Variants in MTA3 observed in about 807,000 individuals in gnomAD.
MTA3 encodes the protein metastasis-associated protein MTA3.
Under a neutral mutation model 83.5 loss-of-function variants are expected in MTA3, and 34 were observed. The observed-to-expected ratio is 0.41, with a 90% CI of 0.31 to 0.54. MTA3 has a LOEUF of 0.54. Ranked by LOEUF, MTA3 falls within the 20% of genes least tolerant of loss-of-function variation. The pLI, the probability that MTA3 is intolerant of heterozygous loss-of-function variation, is 0.33. For synonymous variants in MTA3, 303 were observed against 252.7 expected (o/e 1.20, Z -1.89); for missense variants, 761 against 726.4 (o/e 1.05, Z -0.55).
intron 8 of MTA3, among the ~76,000 whole-genome samples, chr2:42,663,422 A>G (rs1490198351): frequency 6.6e-6 from 1 of 152,224 alleles, no homozygotes; most frequent in Admixed American, 6.5e-5. Context: ...TATTTTAAAG[A>G]AGCATTTTAA....
intron 3 of MTA3, among the ~76,000 whole-genome samples, chr2:42,581,323 A>G (rs1679598491): frequency 7.3e-6 from 1 of 137,804 alleles, no homozygotes; most frequent in African/African-American, 2.7e-5. Flanking sequence ...AAGTGTTCGG[A>G]TTACAGGTGT....
chr2:42,682,050 A>G (rs1364849122), intron 8 of MTA3, among the ~76,000 whole-genome samples: 1 of 151,994 alleles, frequency 6.6e-6, no homozygotes, highest in African/African-American at 2.4e-5. Flanking sequence ...TCTACATAAA[A>G]TAAAAAAACT....
chr2:42,500,214 C>A (rs1674333770), intron 2 of MTA3, among the ~76,000 whole-genome samples: 1 of 152,134 alleles, frequency 6.6e-6, no homozygotes, highest in Non-Finnish European at 1.5e-5. Context: ...GCCTGGCCAA[C>A]ATAGTGAAAC....
intron 14 of MTA3, among the ~76,000 whole-genome samples, chr2:42,711,634 A>G (rs1272321822): frequency 1.3e-5 from 2 of 152,200 alleles, no homozygotes; most frequent in Admixed American, 6.5e-5. Context: ...TGATTATGCT[A>G]TCATCTCTTC....
chr2:42,685,910 T>C (rs932329544), intron 9 of MTA3, among the ~76,000 whole-genome samples: 1 of 152,222 alleles, frequency 6.6e-6, no homozygotes, highest in Admixed American at 6.5e-5. Context: ...GCAAATAATG[T>C]TATTTCCTAT....
chr2:42,694,229 G>T (rs1036929057), intron 9 of MTA3, among the ~76,000 whole-genome samples: 2 of 152,130 alleles, frequency 1.3e-5, no homozygotes, highest in Admixed American at 1.3e-4. Context: ...TTTGGGAGAG[G>T]GGTGGTGCAA....
chr2:42,635,152 A>T (rs1440583421), intron 4 of MTA3, among the ~76,000 whole-genome samples: 2 of 152,164 alleles, frequency 1.3e-5, no homozygotes, highest in Non-Finnish European at 2.9e-5. Flanking sequence ...ATTCTGTTTT[A>T]TGCGGTTGCT....
At chr2:42,560,747 A>G (rs537263365) in intron 2 of MTA3, among the ~76,000 whole-genome samples, 2 of 151,996 alleles carry the variant, frequency 1.3e-5, no homozygotes, top group East Asian at 3.9e-4. Flanking sequence ...TCTACTGGAA[A>G]AAAAAAAAAT....
intron 2 of MTA3, among the ~76,000 whole-genome samples, chr2:42,531,542 T>C (rs1213086759): frequency 7.5e-6 from 1 of 134,042 alleles, no homozygotes; most frequent in Non-Finnish European, 1.5e-5. Flanking sequence ...AACCTCTGCC[T>C]CCCGGGTTCA....
intron 3 of MTA3, among the ~76,000 whole-genome samples, chr2:42,605,848 C>A (rs1683262299): frequency 7.5e-6 from 1 of 134,032 alleles, no homozygotes; most frequent in South Asian, 2.5e-4. Context: ...GGGCTGACCC[C>A]CCCACCTCCC....
chr2:42,739,697 T>G (rs1408788410), intron 16 of MTA3, among the ~76,000 whole-genome samples: 2 of 152,362 alleles, frequency 1.3e-5, no homozygotes, highest in Non-Finnish European at 2.9e-5. Flanking sequence ...ACATTAGAAC[T>G]TCTTTCAAAA....
chr2:42,750,369 T>C (rs1669780988), intron 16 of MTA3, among the ~76,000 whole-genome samples: 1 of 151,948 alleles, frequency 6.6e-6, no homozygotes, highest in South Asian at 2.1e-4. Context: ...GATTATGTGT[T>C]ATTTGGTCTC....
At chr2:42,597,906 T>TC (rs907815920) in intron 3 of MTA3, among the ~76,000 whole-genome samples, 1 of 151,894 alleles carries the variant, frequency 6.6e-6, no homozygotes, top group African/African-American at 2.4e-5. Context: ...GGTCTTGAAC[T>TC]CCTGGGGTGA....
chr2:42,579,430 T>TG (rs34558374), intron 3 of MTA3, among the ~76,000 whole-genome samples: 1 of 122,528 alleles, frequency 8.2e-6, no homozygotes, highest in Non-Finnish European at 1.7e-5. Flanking sequence ...TATATATATA[T>TG]TTTTTTTTTT....
At chr2:42,745,450 C>T (rs764371144) in intron 16 of MTA3, among the ~76,000 whole-genome samples, 3 of 152,210 alleles carry the variant, frequency 2.0e-5, no homozygotes, top group Non-Finnish European at 2.9e-5. Context: ...TGGACTGGCC[C>T]TCTGATTTTC....
intron 8 of MTA3, among the ~76,000 whole-genome samples, chr2:42,662,795 G>C (rs1689849809): frequency 6.7e-6 from 1 of 149,662 alleles, no homozygotes; most frequent in African/African-American, 2.5e-5. Flanking sequence ...GCAGTGGTGC[G>C]ATCTCGGCTC....
At chr2:42,518,348 G>A (rs1675252428) in intron 2 of MTA3, among the ~76,000 whole-genome samples, 1 of 152,150 alleles carries the variant, frequency 6.6e-6, no homozygotes, top group African/African-American at 2.4e-5. Flanking sequence ...GTGTCTTATA[G>A]TGCCTGAAAG....
intron 16 of MTA3, among the ~76,000 whole-genome samples, chr2:42,723,898 C>T (rs1436995959): frequency 6.6e-6 from 1 of 152,058 alleles, no homozygotes; most frequent in African/African-American, 2.4e-5. Flanking sequence ...GGTTGTTTTC[C>T]TCCATTATGA....
chr2:42,741,760 G>C (rs566264591), intron 16 of MTA3, among the ~76,000 whole-genome samples: 3 of 151,978 alleles, frequency 2.0e-5, no homozygotes, highest in African/African-American at 7.2e-5. Context: ...ATGGCTTGTG[G>C]CCCAAAACAA....
Sources: allele counts gnomAD v4.1 joint callset (sites outside exome capture counted in the v4.1 genomes callset), GRCh38; gene constraint gnomAD v4.1.1; transcripts MANE v1.5; gene names NCBI Gene and HGNC (gene_info 2026-07-23, HGNC 2026-07-21).